FSTL5: variants seen among roughly 807,000 people sequenced by gnomAD.
FSTL5 encodes the protein follistatin-related protein 5.
In FSTL5, 62 loss-of-function variants were observed where a neutral mutation model predicts 89.1. The ratio of observed to expected loss-of-function variants is 0.70; its 90% CI spans 0.57 to 0.86. FSTL5 has a LOEUF of 0.86. Ranked by LOEUF, FSTL5 falls within the 40% of genes least tolerant of loss-of-function variation. The pLI, the probability that FSTL5 is intolerant of heterozygous loss-of-function variation, is 0.00. For synonymous variants in FSTL5, 383 were observed against 346.2 expected (o/e 1.11, Z -1.18); for missense variants, 1,057 against 1,001.6 (o/e 1.06, Z -0.75).
intron 5 of FSTL5, among the ~76,000 whole-genome samples, chr4:161,765,671 C>A (rs1187964126): frequency 6.6e-6 from 1 of 152,090 alleles, no homozygotes; most frequent in African/African-American, 2.4e-5. Flanking sequence ...AGTCATTGAG[C>A]AAATGGCATT....
intron 3 of FSTL5, among the ~76,000 whole-genome samples, chr4:161,962,370 T>A (rs533322357): frequency 6.6e-6 from 1 of 151,980 alleles, no homozygotes; most frequent in South Asian, 2.1e-4. Context: ...TGGAAAATCA[T>A]CTCTGTTTGC....
intron 8 of FSTL5, among the ~76,000 whole-genome samples, chr4:161,562,249 G>C (rs1396934112): frequency 1.3e-4 from 19 of 151,870 alleles, no homozygotes; most frequent in Admixed American, 1.2e-3. Context: ...AGGAAGTTTT[G>C]AAATTGGGAA....
intron 15 of FSTL5, among the ~76,000 whole-genome samples, chr4:161,453,231 T>C (rs545848397): frequency 6.6e-6 from 1 of 152,292 alleles, no homozygotes; most frequent in African/African-American, 2.4e-5. Flanking sequence ...AATAGTACAT[T>C]TTTAAAAAAT....
At chr4:162,065,007 G>A (rs1186134522) in intron 2 of FSTL5, among the ~76,000 whole-genome samples, 1 of 151,920 alleles carries the variant, frequency 6.6e-6, no homozygotes, top group Non-Finnish European at 1.5e-5. Flanking sequence ...ATTGGGAAAG[G>A]AATATCTCTT....
intron 1 of FSTL5, among the ~76,000 whole-genome samples, chr4:162,128,121 C>T (rs1005257211): frequency 5.9e-5 from 9 of 152,020 alleles, no homozygotes; most frequent in African/African-American, 2.2e-4. Flanking sequence ...AGTCCAAAGA[C>T]CTTTCTCACA....
chr4:161,480,799 T>G (rs1025700611), intron 13 of FSTL5, among the ~76,000 whole-genome samples: 9 of 152,102 alleles, frequency 5.9e-5, no homozygotes, highest in African/African-American at 2.2e-4. Context: ...AAAGTGTTCA[T>G]GGATCTAATT....
intron 9 of FSTL5, 21 bp from the exon 10 acceptor site, chr4:161,538,321 C>T (rs1295307502): frequency 1.2e-6 from 2 of 1,613,108 alleles, no homozygotes; most frequent in Admixed American, 3.3e-5. Flanking sequence ...AAGGGAAATG[C>T]AACTTGTAAA....
chr4:161,872,179 T>TGTTGTCCA (rs1560892393), intron 4 of FSTL5, among the ~76,000 whole-genome samples: 2 of 130,272 alleles, frequency 1.5e-5, no homozygotes, highest in African/African-American at 5.6e-5. Context: ...GGATTCATCA[T>TGTTGTCCA]GTTGTCCAGG....
rs191422423 is a variant in FSTL5 at position 161,664,641 on chromosome 4, T to C, written c.728-8147A>G. ...CATTTTTCTGTCTTTGTCTGAGACC[T>C]CCAAACTGTTCTAAACTCTGCCTGA... is the stretch of plus-strand genomic sequence containing the variant. On this transcript the variant is annotated intron_variant, in intron 6 of 15. Coordinates refer to ENST00000306100, the MANE Select transcript of FSTL5 (RefSeq NM_020116.5). Among the ~76,000 whole-genome samples the C allele has an allele frequency of 5.3e-5, 8 of 152,294 alleles. No homozygotes were observed. The East Asian group carries it at 1.5e-3, about 29-fold the overall frequency.
chr4:162,122,213 C>T (rs1283682282), intron 1 of FSTL5, among the ~76,000 whole-genome samples: 1 of 152,038 alleles, frequency 6.6e-6, no homozygotes, highest in Non-Finnish European at 1.5e-5. Flanking sequence ...CTTTTAATAG[C>T]AGCAACATAC....
intron 6 of FSTL5, among the ~76,000 whole-genome samples, chr4:161,700,443 G>A (rs557857844): frequency 1.9e-4 from 29 of 151,676 alleles, no homozygotes; most frequent in Non-Finnish European, 3.8e-4. Context: ...TTTTTCTAGG[G>A]GGAGAATGAG....
chr4:161,942,856 G>T (rs1578879956), intron 3 of FSTL5, among the ~76,000 whole-genome samples: 2 of 152,156 alleles, frequency 1.3e-5, no homozygotes, highest in African/African-American at 4.8e-5. Context: ...GGCATAAAAG[G>T]CACTTAAATT....
chr4:162,162,933 C>T (rs2110774415), intron 1 of FSTL5, among the ~76,000 whole-genome samples: 1 of 152,284 alleles, frequency 6.6e-6, no homozygotes, highest in Non-Finnish European at 1.5e-5. Flanking sequence ...AAGGGGATGA[C>T]ATTTGCTAGT....
chr4:161,554,118 A>G (rs1732306833), intron 8 of FSTL5, among the ~76,000 whole-genome samples: 2 of 151,600 alleles, frequency 1.3e-5, no homozygotes, highest in Non-Finnish European at 1.5e-5. Flanking sequence ...GAAACTAAAT[A>G]AAATAAAGTA....
intron 10 of FSTL5, among the ~76,000 whole-genome samples, chr4:161,520,599 T>G (rs1578894957): frequency 6.6e-6 from 1 of 152,276 alleles, no homozygotes; most frequent in African/African-American, 2.4e-5. Flanking sequence ...TATCCTATAC[T>G]CTACCATACC....
chr4:162,060,903 C>A (rs1329699046), intron 2 of FSTL5, among the ~76,000 whole-genome samples: 2 of 151,986 alleles, frequency 1.3e-5, no homozygotes, highest in Non-Finnish European at 1.5e-5. Flanking sequence ...AGATATTCTT[C>A]CTTCAACATA....
At chr4:161,587,312 TAAA>T (rs1733650346) in intron 8 of FSTL5, 140 bp downstream of exon 8, 1 of 621,192 alleles carries the variant, frequency 1.6e-6, no homozygotes, top group Non-Finnish European at 2.7e-6. Flanking sequence ...TTTTTTTACT[TAAA>T]AAACTTTTAC....
chr4:161,598,733 T>C lies in FSTL5; in HGVS notation c.895-11158A>G, dbSNP rs114979044. Among the ~76,000 whole-genome samples the C allele has an allele frequency of 5.9e-3, 902 of 152,072 alleles. 7 individuals are homozygous for C. Among genetic ancestry groups the C allele is most frequent in the African/African-American group, 0.02 (844 of 41,484 alleles). On this transcript the variant is annotated intron_variant, in intron 7 of 15. Coordinates refer to ENST00000306100, the MANE Select transcript of FSTL5 (RefSeq NM_020116.5). Reference sequence around the variant, plus strand: ...AGCATGGCAAATTAGTAGAGAAAGATTGGTCTATTAAGCATACAGGGCTGA... The same window carrying C: ...AGCATGGCAAATTAGTAGAGAAAGACTGGTCTATTAAGCATACAGGGCTGA...
chr4:161,539,902 CT>C (rs11326261), intron 9 of FSTL5, among the ~76,000 whole-genome samples: 86,355 of 126,992 alleles, frequency 0.68, 28,839 homozygotes, highest in African/African-American at 0.72. Flanking sequence ...AAAATCATAC[CT>C]TTTTTTTTTT....
Sources: gnomAD v4.1 joint callset for allele counts (sites outside exome capture counted in the v4.1 genomes callset) on GRCh38, gnomAD v4.1.1 for gene constraint, MANE v1.5 for transcripts, NCBI Gene and HGNC (gene_info 2026-07-23, HGNC 2026-07-21) for gene names.